JADE3: variants seen among roughly 807,000 people sequenced by gnomAD.
JADE3 encodes the protein protein Jade-3.
A neutral mutation model predicts 50.1 loss-of-function variants in JADE3; 2 were observed. The observed-to-expected ratio is 0.04, with a 90% CI of 0.02 to 0.13. The LOEUF is 0.13. Ranked by LOEUF, JADE3 falls within the 10% of genes least tolerant of loss-of-function variation. The probability of loss-of-function intolerance (pLI) is 1.00; values close to 1 mark genes in which losing one functional copy is unlikely to be tolerated. For synonymous variants in JADE3, 218 were observed against 232.9 expected (o/e 0.94, Z 0.58); for missense variants, 475 against 634.4 (o/e 0.75, Z 2.70).
intron 1 of JADE3, among the ~76,000 whole-genome samples, chrX:46,980,819 GCAACCTATGA>G (rs1927731883): frequency 4.5e-5 from 5 of 111,335 alleles, no homozygotes; most frequent in African/African-American, 1.6e-4. Context: ...CCTAATCTCT[GCAACCTATGA>G]ATATGTTAAG....
chrX:47,050,944 A>G (rs1289424935), intron 8 of JADE3, among the ~76,000 whole-genome samples: 3 of 112,482 alleles, frequency 2.7e-5, no homozygotes, highest in African/African-American at 9.7e-5. Flanking sequence ...AACAAAAGGT[A>G]CCCAGGTAAA....
intron 1 of JADE3, among the ~76,000 whole-genome samples, chrX:46,982,890 G>C (rs1043194218): frequency 3.6e-5 from 4 of 110,806 alleles, no homozygotes; most frequent in African/African-American, 3.3e-5. Context: ...GTGCAGTGGC[G>C]CGATCTCAGC....
chrX:47,026,513 C>A (rs1332632519), intron 5 of JADE3, among the ~76,000 whole-genome samples: 2 of 111,079 alleles, frequency 1.8e-5, no homozygotes, highest in Non-Finnish European at 3.8e-5. Context: ...CCACTTACAA[C>A]CTTTTTCTGT....
rs1210320914 is a variant in JADE3 at position 46,923,406 on chromosome X, T to C, written c.-12+10687T>C. Among the ~76,000 whole-genome samples, 8 of 58,581 alleles carry C rather than the reference T, an allele frequency of 1.4e-4. No homozygotes were observed. In the East Asian group the frequency reaches 1.6e-3, roughly 12 times the overall value. 50.9% of individuals were successfully genotyped at this position (58,581 alleles called of 115,157 possible). A position where few individuals can be genotyped will look rare whatever the true frequency, so the allele number is the denominator to read the frequency against. On this transcript the variant is annotated intron_variant, in intron 1 of 10. Transcript: ENST00000614628. ...CTCTCTCTCTCTCTTTTTTTTTTTT[T>C]TTTTTTTTTTTTTTTGAGGCAGGGT... is the stretch of plus-strand genomic sequence containing the variant.
intron 4 of JADE3, among the ~76,000 whole-genome samples, chrX:47,010,917 C>G (rs1374775388): frequency 3.6e-5 from 4 of 111,695 alleles, no homozygotes; most frequent in African/African-American, 1.3e-4. Context: ...CTGGTGAGGC[C>G]TCTCTTCCTA....
intron 4 of JADE3, among the ~76,000 whole-genome samples, chrX:46,999,444 T>TATATATAACATATATATAC (rs1199430862): frequency 1.2e-4 from 13 of 105,016 alleles, no homozygotes; most frequent in East Asian, 8.5e-4. Flanking sequence ...CATATATATA[T>TATATATAACATATATATAC]ATATATAACA....
At chrX:46,983,435 A>G (rs1256774735) in intron 1 of JADE3, among the ~76,000 whole-genome samples, 1 of 111,061 alleles carries the variant, frequency 9.0e-6, no homozygotes, top group Non-Finnish European at 1.9e-5. Flanking sequence ...ACAACACCCA[A>G]GGCATAGCCT....
At chrX:46,940,946 C>CT (rs1169658560) in intron 1 of JADE3, among the ~76,000 whole-genome samples, 1 of 111,578 alleles carries the variant, frequency 9.0e-6, no homozygotes, top group Admixed American at 9.6e-5. Flanking sequence ...ATAATTTCAG[C>CT]TTTTATTTTA....
chrX:46,915,193 A>G (rs1388368524), intron 1 of JADE3, among the ~76,000 whole-genome samples: 1 of 111,776 alleles, frequency 8.9e-6, no homozygotes, highest in Non-Finnish European at 1.9e-5. Context: ...ACATGGCATT[A>G]GGGAGGGCTC....
intron 1 of JADE3, among the ~76,000 whole-genome samples, chrX:46,945,793 C>T (rs1395441734): frequency 9.0e-6 from 1 of 111,641 alleles, no homozygotes; most frequent in African/African-American, 3.3e-5. Context: ...TGGAATATTG[C>T]CACCAGATTC....
intron 1 of JADE3, among the ~76,000 whole-genome samples, chrX:46,974,121 G>C (rs899554164): frequency 2.2e-4 from 23 of 106,763 alleles, no homozygotes; most frequent in African/African-American, 7.5e-4. Context: ...GAAATAGTTT[G>C]GGCCGGGTGC....
intron 4 of JADE3, among the ~76,000 whole-genome samples, chrX:47,022,429 G>A (rs782759443): frequency 1.4e-4 from 16 of 111,970 alleles, no homozygotes; most frequent in African/African-American, 3.2e-4. Context: ...AATGTGTGTC[G>A]TTGTTATTAG....
intron 4 of JADE3, among the ~76,000 whole-genome samples, chrX:47,020,227 A>T (rs1362592030): frequency 2.7e-5 from 3 of 110,346 alleles, no homozygotes; most frequent in Non-Finnish European, 5.7e-5. Flanking sequence ...GCTACTTGGG[A>T]GGCTGAGGCA....
Position 46,923,375 on chromosome X carries a change from T to TTC in JADE3, c.-12+10674_-12+10675dup, listed in dbSNP as rs1235628426. 3.3e-3 allele frequency among the ~76,000 whole-genome samples: 192 copies of TTC among 57,897 alleles called. 7 individuals carry two copies. The highest frequency in any genetic ancestry group is 0.013 in the East Asian group (22 of 1,654). The allele number at this position is 57,897 out of a possible 115,157, so 50.3% of individuals were successfully genotyped here. On this transcript the variant is annotated intron_variant, in intron 1 of 10. Coordinates refer to ENST00000614628, the MANE Select transcript of JADE3 (RefSeq NM_014735.5). ...TTGCTGTGGGTACCAGAGATTTCTTTTCTCTCTCTCTCTCTCTCTTTTTTT... is the reference window on the plus strand; with the variant it reads ...TTGCTGTGGGTACCAGAGATTTCTTTTCTCTCTCTCTCTCTCTCTCTTTTTTT...
intron 6 of JADE3, among the ~76,000 whole-genome samples, chrX:47,029,363 T>C (rs1362393821): frequency 1.8e-4 from 20 of 111,260 alleles, no homozygotes; most frequent in African/African-American, 6.2e-4. Flanking sequence ...AGGCAAAATA[T>C]GTCAGAGGCA....
rs782206143 is a variant in JADE3 at position 47,010,674 on chromosome X, G to C, written c.284+12397G>C. Reference sequence around the variant, plus strand: ...CTAGAAAGAAATCCCACATCTGTTAGCAGTTACTAGTCATTCTCCGCTTCC... The same window carrying C: ...CTAGAAAGAAATCCCACATCTGTTACCAGTTACTAGTCATTCTCCGCTTCC... On this transcript the variant is annotated intron_variant, in intron 4 of 10. Transcript: ENST00000614628. 8.1e-5 allele frequency among the ~76,000 whole-genome samples: 9 copies of C among 110,940 alleles called. No homozygotes were observed. The South Asian group carries it at 3.5e-3, about 43-fold the overall frequency.
chrX:46,959,489 C>G (rs1927209569), intron 1 of JADE3, among the ~76,000 whole-genome samples: 1 of 111,944 alleles, frequency 8.9e-6, no homozygotes, highest in Admixed American at 9.5e-5. Context: ...CAGGCATAGT[C>G]TCTGCCCTCT....
chrX:46,929,597 C>T (rs1183801216), intron 1 of JADE3, among the ~76,000 whole-genome samples: 3 of 111,605 alleles, frequency 2.7e-5, no homozygotes, highest in African/African-American at 9.8e-5. Flanking sequence ...ACCCTTGTTT[C>T]CCACCCTCAC....
Position 47,059,675 on chromosome X carries a change from T to G in JADE3, c.*598T>G, listed in dbSNP as rs1421392316. The G allele has an allele frequency of 1.8e-5, 2 of 112,273 alleles. No homozygotes were observed. Among genetic ancestry groups the G allele is most frequent in the African/African-American group, 6.5e-5 (2 of 30,817 alleles). 9.3% of individuals were successfully genotyped at this position (112,273 alleles called of 1,213,427 possible). A position where few individuals can be genotyped will look rare whatever the true frequency, so the allele number is the denominator to read the frequency against. On this transcript the variant is annotated 3_prime_UTR_variant, in exon 11 of 11. Transcript: ENST00000614628. ...ACTCCTCATGCTTATCAGTGTCCAG[T>G]GCCTGTTCCTAAACTTGCTTGTTGG...
Sources: gnomAD v4.1 joint callset for allele counts (sites outside exome capture counted in the v4.1 genomes callset) on GRCh38, gnomAD v4.1.1 for gene constraint, MANE v1.5 for transcripts, NCBI Gene and HGNC (gene_info 2026-07-23, HGNC 2026-07-21) for gene names.